The following NXN variants were observed in gnomAD, a reference collection of about 807,000 sequenced individuals.
NXN encodes nucleoredoxin.
NXN carries 16 observed loss-of-function variants against 48.6 expected under a neutral mutation model. That is an observed-to-expected ratio of 0.33 (90% CI 0.22 to 0.50). The LOEUF (loss-of-function observed/expected upper bound fraction) is 0.50. Ranked by LOEUF, NXN falls within the 20% of genes least tolerant of loss-of-function variation. The probability of loss-of-function intolerance (pLI) is 0.98; values close to 1 mark genes in which losing one functional copy is unlikely to be tolerated. For missense variants in NXN, 492 were observed against 605.5 expected, an observed-to-expected ratio of 0.81 and a Z score of 1.97; for synonymous variants, 281 against 269.6, an observed-to-expected ratio of 1.04 and a Z score of -0.41.
At chr17:881,393 A>G (rs1315369931) in intron 1 of NXN, among the ~76,000 whole-genome samples, 1 of 151,930 alleles carries the variant, frequency 6.6e-6, no homozygotes, top group East Asian at 1.9e-4. Flanking sequence ...GTACCACCAC[A>G]CTCGAAAATT....
In NXN at chr17:800,698, C is replaced by T. The variant is rs551575671; in HGVS notation, c.*251G>A. 22 of 335,608 alleles carry T rather than the reference C, an allele frequency of 6.6e-5. No individual in the cohort carries two copies. The Middle Eastern group carries it at 2.3e-3, about 35-fold the overall frequency. 20.8% of individuals were successfully genotyped at this position (335,608 alleles called of 1,614,324 possible). On this transcript the variant is annotated 3_prime_UTR_variant, in exon 8 of 8. Coordinates refer to ENST00000336868, the MANE Select transcript of NXN (RefSeq NM_022463.5). The stretch of plus-strand genomic sequence containing the variant: ...TGACTTTGCGAAAGCCATGCAGCCC[C>T]GCTCTGGCCGGGCCCCCGGCCATCC...
intron 1 of NXN, among the ~76,000 whole-genome samples, chr17:971,357 G>A (rs989869450): frequency 2.6e-5 from 4 of 152,108 alleles, no homozygotes; most frequent in East Asian, 1.9e-4. Context: ...AGAAGCTGCT[G>A]GGACTCACCC....
At chr17:902,247 G>C (rs1467046) in intron 1 of NXN, among the ~76,000 whole-genome samples, 1 of 152,198 alleles carries the variant, frequency 6.6e-6, no homozygotes, top group African/African-American at 2.4e-5. Context: ...GTCCGTTCCA[G>C]ACATAAGCCA....
In NXN at chr17:943,312, C is replaced by T. The variant is rs180689144; in HGVS notation, c.360+36007G>A. ...TGTATGAACTACCCAGGTTCGAGGA[C>T]CTCCAGAGAAAGGTCACCAACAGGG... On this transcript the variant is annotated intron_variant, in intron 1 of 7. Coordinates refer to ENST00000336868, the MANE Select transcript of NXN (RefSeq NM_022463.5). Among the ~76,000 whole-genome samples, 744 of 152,158 alleles carry T rather than the reference C, an allele frequency of 4.9e-3. 6 individuals are homozygous for T. The highest frequency in any genetic ancestry group is 0.017 in the African/African-American group (706 of 41,502).
In NXN at chr17:889,659, A is replaced by G. The variant is rs548142675; in HGVS notation, c.361-63581T>C. On this transcript the variant is annotated intron_variant, in intron 1 of 7. Coordinates refer to ENST00000336868, the MANE Select transcript of NXN (RefSeq NM_022463.5). ...TCCATTGCACTACAGCCTGAGCAACAGAGCGAGACTGTGAAAGAAAAGAAA... is the reference window on the plus strand; with the variant it reads ...TCCATTGCACTACAGCCTGAGCAACGGAGCGAGACTGTGAAAGAAAAGAAA... Among the ~76,000 whole-genome samples the G allele has an allele frequency of 9.6e-4, 146 of 151,996 alleles. 2 individuals carry two copies. The highest frequency in any genetic ancestry group is 3.4e-3 in the African/African-American group (142 of 41,418).
At chr17:804,554 C>T (rs1441759335) in intron 6 of NXN, among the ~76,000 whole-genome samples, 1 of 152,208 alleles carries the variant, frequency 6.6e-6, no homozygotes, top group Non-Finnish European at 1.5e-5. Context: ...GGGAGCCTGG[C>T]ATGGATGCGC....
intron 5 of NXN, among the ~76,000 whole-genome samples, chr17:814,731 A>C (rs1004565516): frequency 9.2e-5 from 14 of 152,104 alleles, no homozygotes; most frequent in Non-Finnish European, 1.6e-4. Context: ...CACGCACTCA[A>C]TACATCAAAT....
At chr17:896,860 C>CCGGG in intron 1 of NXN, 4 of 566,100 alleles carry the variant, frequency 7.1e-6, no homozygotes, top group Non-Finnish European at 1.1e-5. Flanking sequence ...CCTGACCACC[C>CCGGG]GCCCCCGGCC....
chr17:850,520 T>C (rs934583778), intron 1 of NXN, among the ~76,000 whole-genome samples: 1 of 152,100 alleles, frequency 6.6e-6, no homozygotes, highest in African/African-American at 2.4e-5. Flanking sequence ...TGCCAAGAAA[T>C]GCCATTTTGT....
chr17:959,225 G>A, intron 1 of NXN: 1 of 1,021,696 alleles, frequency 9.8e-7, no homozygotes, highest in South Asian at 2.3e-5. Flanking sequence ...AGACAGGCCT[G>A]CAGATACCCC....
chr17:833,684 T>C (rs1913624130), intron 1 of NXN, among the ~76,000 whole-genome samples: 1 of 152,100 alleles, frequency 6.6e-6, no homozygotes, highest in African/African-American at 2.4e-5. Context: ...TGAAGCCTGT[T>C]AGCGGAAACT....
At chr17:900,913 C>CTTTTTTTT (rs11367844) in intron 1 of NXN, among the ~76,000 whole-genome samples, 1 of 75,880 alleles carries the variant, frequency 1.3e-5, no homozygotes, top group Non-Finnish European at 2.5e-5. Context: ...GATCTGCATT[C>CTTTTTTTT]TTTTTTTTTT....
At chr17:903,847 C>T (rs1454484376) in intron 1 of NXN, among the ~76,000 whole-genome samples, 2 of 152,324 alleles carry the variant, frequency 1.3e-5, no homozygotes, top group Admixed American at 6.5e-5. Context: ...CTGACGCCTG[C>T]CTTCATTCAG....
chr17:832,993 C>G (rs994918263), intron 1 of NXN, among the ~76,000 whole-genome samples: 1 of 152,280 alleles, frequency 6.6e-6, no homozygotes, highest in Admixed American at 6.5e-5. Flanking sequence ...TGGGTTCACA[C>G]CATTCTCCTG....
chr17:914,326 C>A (rs535649576), intron 1 of NXN, among the ~76,000 whole-genome samples: 5 of 142,274 alleles, frequency 3.5e-5, no homozygotes, highest in African/African-American at 5.2e-5. Context: ...CCCGCCACCA[C>A]GCCCAGCTAA....
chr17:835,104 C>T (rs112921974), intron 1 of NXN, among the ~76,000 whole-genome samples: 7,625 of 150,866 alleles, frequency 0.051, 267 homozygotes, highest in Non-Finnish European at 0.07. Context: ...GTCAGGAGAT[C>T]GAGACCATCC....
chr17:891,893 C>G (rs1268766002), intron 1 of NXN, among the ~76,000 whole-genome samples: 1 of 135,468 alleles, frequency 7.4e-6, no homozygotes, highest in Non-Finnish European at 1.6e-5. Flanking sequence ...CATGTACAAC[C>G]CAACAGGGAA....
At chr17:934,609 C>T (rs533558135) in intron 1 of NXN, among the ~76,000 whole-genome samples, 2 of 152,186 alleles carry the variant, frequency 1.3e-5, no homozygotes, top group South Asian at 4.2e-4. Context: ...CACAGTGGCT[C>T]ATGCCTGTAA....
At chr17:812,773 G>A (rs1017675078) in intron 5 of NXN, among the ~76,000 whole-genome samples, 1 of 145,550 alleles carries the variant, frequency 6.9e-6, no homozygotes, top group Admixed American at 6.9e-5. Flanking sequence ...TGTGAGTGTA[G>A]GTGTGTGCAT....
Sources: gnomAD v4.1 joint callset for allele counts (sites outside exome capture counted in the v4.1 genomes callset) on GRCh38, gnomAD v4.1.1 for gene constraint, MANE v1.5 for transcripts, NCBI Gene and HGNC (gene_info 2026-07-23, HGNC 2026-07-21) for gene names.